The following WDR70 variants were observed in gnomAD, a reference collection of about 807,000 sequenced individuals.
WDR70 encodes the protein WD repeat domain 70.
In WDR70, 53 loss-of-function variants were observed where a neutral mutation model predicts 88.6. That is an observed-to-expected ratio of 0.60 (90% confidence interval 0.48 to 0.75). The LOEUF (loss-of-function observed/expected upper bound fraction) is 0.75, where lower values mean the gene tolerates loss of function less well. Among genes scored for constraint, WDR70 ranks in the 30% least tolerant of loss-of-function variants. The pLI, the probability that WDR70 is intolerant of heterozygous loss-of-function variation, is 0.00. For missense variants in WDR70, 610 were observed against 823.2 expected, an observed-to-expected ratio of 0.74 and a Z score of 3.17; for synonymous variants, 280 against 270.0, an observed-to-expected ratio of 1.04 and a Z score of -0.36.
intron 8 of WDR70, among the ~76,000 whole-genome samples, chr5:37,488,667 G>C (rs1442225629): frequency 6.6e-6 from 1 of 151,590 alleles, no homozygotes; most frequent in East Asian, 1.9e-4. Flanking sequence ...ATTTATCTTT[G>C]GTGAATTCTC....
At chr5:37,575,891 C>T (rs749308091) in intron 9 of WDR70, among the ~76,000 whole-genome samples, 14 of 152,166 alleles carry the variant, frequency 9.2e-5, no homozygotes, top group Admixed American at 2.6e-4. Flanking sequence ...TTGGGTCTGA[C>T]GTTAACTCCA....
At chr5:37,517,940 G>A (rs2112261265) in intron 9 of WDR70, among the ~76,000 whole-genome samples, 1 of 148,390 alleles carries the variant, frequency 6.7e-6, no homozygotes, top group South Asian at 2.1e-4. Flanking sequence ...TTGAGATGGA[G>A]TTCCACTCTT....
chr5:37,456,059 C>G (rs1263677245), intron 7 of WDR70, among the ~76,000 whole-genome samples: 1 of 152,014 alleles, frequency 6.6e-6, no homozygotes, highest in African/African-American at 2.4e-5. Flanking sequence ...TCTATAAATA[C>G]TCCGTACTGT....
At position 37,516,592 on chromosome 5, in the gene WDR70, T is replaced by A; in HGVS notation, c.917+2T>A. The A allele has an allele frequency of 6.3e-7, 1 of 1,588,260 alleles. No individual in the cohort carries two copies. Among genetic ancestry groups the A allele is most frequent in the Non-Finnish European group, 8.6e-7 (1 of 1,159,624 alleles). On this transcript the variant is annotated splice_donor_variant, in intron 9 of 17. Coordinates refer to ENST00000265107, the MANE Select transcript of WDR70 (RefSeq NM_018034.4). LOFTEE classifies it high-confidence loss of function. ...ATTTATGACTTGCTCAAATGATGCG[T>A]GAGTATTGTTGATAATTCATCTAAT...
intron 9 of WDR70, among the ~76,000 whole-genome samples, chr5:37,536,618 T>C (rs1055626004): frequency 1.3e-5 from 2 of 152,156 alleles, no homozygotes; most frequent in Non-Finnish European, 2.9e-5. Flanking sequence ...AATTTTATCA[T>C]AGGTGTTGAA....
intron 13 of WDR70, among the ~76,000 whole-genome samples, chr5:37,715,926 G>GCA (rs962269834): frequency 6.6e-6 from 1 of 150,836 alleles, no homozygotes; most frequent in East Asian, 1.9e-4. Flanking sequence ...ACACACACAC[G>GCA]CACACACACA....
intron 9 of WDR70, among the ~76,000 whole-genome samples, chr5:37,585,627 C>T (rs1743344626): frequency 6.6e-6 from 1 of 152,194 alleles, no homozygotes; most frequent in South Asian, 2.1e-4. Flanking sequence ...CTCCAATTCT[C>T]CATTTATGTG....
rs1371654192 is a variant in WDR70 at position 37,451,014 on chromosome 5, T to C, written c.686+7642T>C. 3.3e-5 allele frequency among the ~76,000 whole-genome samples: 5 copies of C among 152,190 alleles called. No individual in the cohort carries two copies. In the South Asian group the frequency reaches 8.3e-4, roughly 25 times the overall value. ...CCTGGGTTTAAGCGATTCTCCTGCC[T>C]GAGCCTCCTGAGTAGCTGGGATTAC... On this transcript the variant is annotated intron_variant, in intron 7 of 17. Transcript: ENST00000265107.
intron 9 of WDR70, among the ~76,000 whole-genome samples, chr5:37,571,171 A>G (rs475517): frequency 0.078 from 11,806 of 152,278 alleles, 1,481 homozygotes; most frequent in African/African-American, 0.26. Flanking sequence ...CAAATTGCAT[A>G]TTAAAAGTCA....
intron 10 of WDR70, among the ~76,000 whole-genome samples, chr5:37,692,418 A>G (rs78899974): frequency 8.5e-5 from 13 of 152,160 alleles, no homozygotes; most frequent in Admixed American, 5.2e-4. Context: ...CAACAAAAAA[A>G]GAATTTTAGA....
Position 37,703,094 on chromosome 5 carries a change from A to G in WDR70, c.1416+7A>G. ...AATAGACATCACAGATGCGGTACGT[A>G]TATTCTTTTCTCCTCAGCCTTGAGA... On this transcript the variant is annotated splice_region_variant and intron_variant, in intron 13 of 17. Transcript: ENST00000265107. 3 of 1,598,382 alleles carry G rather than the reference A, an allele frequency of 1.9e-6. No individual in the cohort carries two copies. The highest frequency in any genetic ancestry group is 1.1e-5 in the South Asian group (1 of 90,506).
At chr5:37,665,028 G>T (rs190730165) in intron 10 of WDR70, among the ~76,000 whole-genome samples, 4 of 152,160 alleles carry the variant, frequency 2.6e-5, no homozygotes, top group African/African-American at 7.2e-5. Flanking sequence ...TGTTCATATT[G>T]TCAAGTGTAC....
intron 10 of WDR70, among the ~76,000 whole-genome samples, chr5:37,652,061 T>C (rs1745423605): frequency 6.6e-6 from 1 of 152,190 alleles, no homozygotes; most frequent in South Asian, 2.1e-4. Context: ...TCTTCTGGAG[T>C]TTTTATGGTT....
At chr5:37,596,395 T>G (rs1021525972) in intron 9 of WDR70, among the ~76,000 whole-genome samples, 3 of 152,206 alleles carry the variant, frequency 2.0e-5, no homozygotes, top group African/African-American at 7.2e-5. Context: ...AATTCTGTAT[T>G]TTCTAGCTTC....
At chr5:37,557,243 A>G (rs1029891678) in intron 9 of WDR70, among the ~76,000 whole-genome samples, 2 of 151,988 alleles carry the variant, frequency 1.3e-5, no homozygotes, top group Non-Finnish European at 2.9e-5. Flanking sequence ...AAAAAAAAAA[A>G]AAAAGGTTAG....
At chr5:37,747,343 A>T (rs1262145835) in intron 17 of WDR70, among the ~76,000 whole-genome samples, 1 of 152,152 alleles carries the variant, frequency 6.6e-6, no homozygotes, top group Non-Finnish European at 1.5e-5. Flanking sequence ...AGTCAGAATG[A>T]TGATTATTAA....
At chr5:37,516,305 A>G (rs943934148) in intron 8 of WDR70, among the ~76,000 whole-genome samples, 1 of 152,194 alleles carries the variant, frequency 6.6e-6, no homozygotes, top group African/African-American at 2.4e-5. Context: ...TGAGGTGGGC[A>G]CAGGGTGGTA....
chr5:37,494,246 G>C (rs1007751513), intron 8 of WDR70, among the ~76,000 whole-genome samples: 1 of 152,164 alleles, frequency 6.6e-6, no homozygotes, highest in African/African-American at 2.4e-5. Flanking sequence ...TCCTAGTTTT[G>C]TATTGGGAGA....
At chr5:37,605,836 G>T (rs1028250935) in intron 10 of WDR70, among the ~76,000 whole-genome samples, 1 of 152,130 alleles carries the variant, frequency 6.6e-6, no homozygotes. Flanking sequence ...GGCTAGTTCT[G>T]TCAATTACCA....
Sources: gnomAD v4.1 joint callset for allele counts (sites outside exome capture counted in the v4.1 genomes callset) on GRCh38, gnomAD v4.1.1 for gene constraint, MANE v1.5 for transcripts, NCBI Gene and HGNC (gene_info 2026-07-23, HGNC 2026-07-21) for gene names.